The following COL28A1 variants were observed in gnomAD, a reference collection of about 807,000 sequenced individuals.
COL28A1 encodes collagen alpha-1(XXVIII) chain.
A neutral mutation model predicts 150.2 loss-of-function variants in COL28A1; 161 were observed. The observed-to-expected ratio is 1.07, with a 90% CI of 0.94 to 1.22. COL28A1 has a LOEUF of 1.22. COL28A1 is among the 50% of genes most tolerant of loss of function. The pLI is 0.00. For missense variants in COL28A1, 1,617 were observed against 1,388.3 expected (o/e 1.16, Z -2.62); for synonymous variants, 552 against 469.7 (o/e 1.18, Z -2.26).
intron 15 of COL28A1, among the ~76,000 whole-genome samples, chr7:7,471,556 T>C (rs1222571019): frequency 6.6e-6 from 1 of 152,126 alleles, no homozygotes; most frequent in East Asian, 1.9e-4. Flanking sequence ...GATGCAGGGA[T>C]GGGTTTAACA....
At chr7:7,522,892 C>T (rs1218613143) in intron 4 of COL28A1, among the ~76,000 whole-genome samples, 4 of 148,376 alleles carry the variant, frequency 2.7e-5, no homozygotes, top group Non-Finnish European at 5.9e-5. Flanking sequence ...TGTGTTGGTC[C>T]GCATTCAAAG....
chr7:7,489,720 C>T (rs1779815040), intron 12 of COL28A1, among the ~76,000 whole-genome samples: 1 of 152,188 alleles, frequency 6.6e-6, no homozygotes, highest in African/African-American at 2.4e-5. Flanking sequence ...ATTGGCAGGA[C>T]AGACTGTGTG....
chr7:7,450,123 A>T (rs957782214), intron 18 of COL28A1, among the ~76,000 whole-genome samples: 6 of 152,192 alleles, frequency 3.9e-5, no homozygotes, highest in African/African-American at 7.2e-5. Context: ...GATACTCAAA[A>T]TATGGAAGCT....
intron 27 of COL28A1, among the ~76,000 whole-genome samples, chr7:7,385,002 GA>G: frequency 6.6e-6 from 1 of 152,314 alleles, no homozygotes; most frequent in Non-Finnish European, 1.5e-5. Context: ...GCCTGCTTCT[GA>G]ACATGAAGGT....
At chr7:7,522,513 G>A (rs2024001) in intron 4 of COL28A1, among the ~76,000 whole-genome samples, 3 of 152,182 alleles carry the variant, frequency 2.0e-5, no homozygotes, top group Admixed American at 2.0e-4. Flanking sequence ...AACAGCTGTT[G>A]ACCAGGTTCA....
chr7:7,539,144 T>C (rs1782743169), upstream of COL28A1, among the ~76,000 whole-genome samples: 1 of 152,136 alleles, frequency 6.6e-6, no homozygotes, highest in Non-Finnish European at 1.5e-5. Context: ...TCTTAGTCCA[T>C]TTTGTGTTGC....
At chr7:7,356,491 C>T (rs965965047), downstream of COL28A1, 3 of 152,152 alleles carry the variant, frequency 2.0e-5, no homozygotes, top group Non-Finnish European at 4.4e-5. Flanking sequence ...GTTACATATA[C>T]ACCACAGAAT....
At chr7:7,464,861 T>G (rs991425383) in intron 15 of COL28A1, among the ~76,000 whole-genome samples, 2 of 152,082 alleles carry the variant, frequency 1.3e-5, no homozygotes, top group African/African-American at 4.8e-5. Flanking sequence ...CAAAAACTGG[T>G]TCTTTGAAAA....
chr7:7,420,043 G>A (rs1274671988), intron 25 of COL28A1, 90 bp from the exon 26 acceptor site: 5 of 756,920 alleles, frequency 6.6e-6, no homozygotes, highest in Non-Finnish European at 7.9e-6. Flanking sequence ...AAAACTTCTT[G>A]AATGTGACTA....
intron 18 of COL28A1, among the ~76,000 whole-genome samples, chr7:7,447,309 C>T (rs1786336608): frequency 6.6e-6 from 1 of 152,004 alleles, no homozygotes; most frequent in South Asian, 2.1e-4. Flanking sequence ...AGTATTCAGC[C>T]TGTACATGCC....
At chr7:7,502,478 G>A (rs1262579916) in intron 11 of COL28A1, among the ~76,000 whole-genome samples, 3 of 152,084 alleles carry the variant, frequency 2.0e-5, no homozygotes, top group African/African-American at 7.2e-5. Flanking sequence ...ATGAAGAAAA[G>A]CCAATCCCTA....
chr7:7,440,618 A>G (rs1055731500), intron 21 of COL28A1, among the ~76,000 whole-genome samples, 172 bp downstream of exon 21: 1 of 152,104 alleles, frequency 6.6e-6, no homozygotes, highest in Non-Finnish European at 1.5e-5. Context: ...ATTCCATTCT[A>G]TTGTGGTCTG....
intron 12 of COL28A1, among the ~76,000 whole-genome samples, chr7:7,489,852 T>C (rs1042437272): frequency 2.0e-5 from 3 of 152,102 alleles, no homozygotes; most frequent in Admixed American, 1.3e-4. Context: ...TCATCTCTCC[T>C]TTAAGCTCTT....
At chr7:7,355,254 A>G (rs1780320413), downstream of COL28A1, among the ~76,000 whole-genome samples, 1 of 152,188 alleles carries the variant, frequency 6.6e-6, no homozygotes, top group African/African-American at 2.4e-5. Context: ...ATAAACAGGT[A>G]TTTCACAGAA....
At chr7:7,436,596 T>C (rs77897443) in intron 22 of COL28A1, 133 bp from the exon 23 acceptor site, 1 of 649,136 alleles carries the variant, frequency 1.5e-6, no homozygotes, top group East Asian at 2.7e-5. Flanking sequence ...AGTATATTCT[T>C]CAAACATATT....
chr7:7,494,391 C>G (rs1034065214), intron 11 of COL28A1, among the ~76,000 whole-genome samples: 1 of 152,102 alleles, frequency 6.6e-6, no homozygotes, highest in African/African-American at 2.4e-5. Flanking sequence ...AAAACCATGG[C>G]TTTGAATCAT....
At chr7:7,385,031 A>C (rs1470621206) in intron 27 of COL28A1, among the ~76,000 whole-genome samples, 1 of 152,204 alleles carries the variant, frequency 6.6e-6, no homozygotes, top group African/African-American at 2.4e-5. Flanking sequence ...GTCTGCCTAC[A>C]TACAGACTAG....
chr7:7,417,039 T>C (rs1421103163), intron 27 of COL28A1, among the ~76,000 whole-genome samples: 1 of 151,960 alleles, frequency 6.6e-6, no homozygotes, highest in Non-Finnish European at 1.5e-5. Flanking sequence ...AACCAGCTTA[T>C]GACGGGGGCA....
In COL28A1 at chr7:7,378,455, T is replaced by G. The variant is rs888610375; in HGVS notation, c.2322+2205A>C. On this transcript the variant is annotated intron_variant, in intron 30 of 34. Coordinates refer to ENST00000399429, the MANE Select transcript of COL28A1 (RefSeq NM_001037763.3). ...GAAATGCTAACACCGAAGTGACATG[T>G]GGAGAAACAGAGTCTTTTCAAATAA... Among the ~76,000 whole-genome samples the G allele has an allele frequency of 6.6e-5, 10 of 152,176 alleles. No homozygotes were observed. In the South Asian group the frequency reaches 2.1e-3, roughly 32 times the overall value.
Sources: gnomAD v4.1 joint callset for allele counts (sites outside exome capture counted in the v4.1 genomes callset) on GRCh38, gnomAD v4.1.1 for gene constraint, MANE v1.5 for transcripts, NCBI Gene and HGNC (gene_info 2026-07-23, HGNC 2026-07-21) for gene names.